The following ZNF559 variants were observed in gnomAD, a reference collection of about 807,000 sequenced individuals.
ZNF559 encodes the protein putative protein product of Nbla00121.
Under a neutral mutation model 14.2 loss-of-function variants are expected in ZNF559, and 17 were observed. That is an observed-to-expected ratio of 1.20 (90% confidence interval 0.82 to 1.80). The LOEUF (loss-of-function observed/expected upper bound fraction) is 1.80, where lower values mean the gene tolerates loss of function less well. Ranked by LOEUF, ZNF559 falls within the 40% of genes most tolerant of loss-of-function variation. The pLI is 0.00. For missense variants in ZNF559, 740 were observed against 629.7 expected (o/e 1.18, Z -1.88); for synonymous variants, 244 against 212.4 (o/e 1.15, Z -1.29).
At chr19:9,335,881 G>T (rs374232672) in intron 2 of ZNF559, among the ~76,000 whole-genome samples, 1 of 152,202 alleles carries the variant, frequency 6.6e-6, no homozygotes, top group African/African-American at 2.4e-5. Context: ...AAAAACTTCA[G>T]ATAAACGTAA....
At chr19:9,333,473 C>T (rs1165279254) in intron 2 of ZNF559, among the ~76,000 whole-genome samples, 3 of 152,144 alleles carry the variant, frequency 2.0e-5, no homozygotes, top group Non-Finnish European at 4.4e-5. Flanking sequence ...GAGGCCAAGG[C>T]AGGAGAATCA....
intron 2 of ZNF559, among the ~76,000 whole-genome samples, chr19:9,326,105 ATTTTTT>A (rs71183701): frequency 4.1e-5 from 3 of 73,734 alleles, no homozygotes; most frequent in Non-Finnish European, 4.9e-5. Flanking sequence ...TATTCACCTG[ATTTTTT>A]TTTTTTTTTT....
intron 2 of ZNF559, among the ~76,000 whole-genome samples, chr19:9,325,556 G>A (rs1198314756): frequency 6.6e-6 from 1 of 152,138 alleles, no homozygotes; most frequent in Non-Finnish European, 1.5e-5. Context: ...ATGTTGGGAG[G>A]CTGAGGCTGG....
intron 5 of ZNF559, among the ~76,000 whole-genome samples, chr19:9,340,065 A>G (rs998564454): frequency 6.0e-5 from 9 of 149,804 alleles, no homozygotes; most frequent in African/African-American, 2.2e-4. Context: ...GGATTACGGC[A>G]TGAGCCACTG....
chr19:9,324,660 T>G (rs2066480022), intron 1 of ZNF559, 35 bp from the exon 2 acceptor site: 2 of 1,179,242 alleles, frequency 1.7e-6, no homozygotes, highest in South Asian at 1.4e-5. Context: ...AAAAAAAAAG[T>G]CTCCACATCC....
At chr19:9,328,348 C>CTTTTTTTTTT (rs904074002) in intron 2 of ZNF559, among the ~76,000 whole-genome samples, 65 of 60,968 alleles carry the variant, frequency 1.1e-3, no homozygotes, top group African/African-American at 1.6e-3. Context: ...GCTTGTTTGT[C>CTTTTTTTTTT]TTTTTTTTTT....
chr19:9,330,860 TTCA>T (rs1226380362), intron 2 of ZNF559, among the ~76,000 whole-genome samples: 4 of 152,230 alleles, frequency 2.6e-5, no homozygotes, highest in African/African-American at 9.6e-5. Flanking sequence ...TTCTTGATTC[TTCA>T]TGCTATTTGT....
rs2067121017 is a variant in ZNF559 at position 9,334,542 on chromosome 19, T to G, written c.-119-3254T>G. Among the ~76,000 whole-genome samples the G allele has an allele frequency of 1.3e-5, 2 of 152,186 alleles. 1 individual carries two copies. The highest frequency in any genetic ancestry group is 1.3e-4 in the Admixed American group (2 of 15,272). ...TATAAAGTTTAAAAACAGACAAAAT[T>G]AACCTATACCGTTAGAAGTGAGAAT... On this transcript the variant is annotated intron_variant, in intron 2 of 6. Transcript: ENST00000603380.
chr19:9,329,139 A>G (rs1568358485), intron 2 of ZNF559, among the ~76,000 whole-genome samples: 1 of 152,170 alleles, frequency 6.6e-6, no homozygotes, highest in Non-Finnish European at 1.5e-5. Context: ...TACCCAATAC[A>G]GCTGTTTAAA....
At chr19:9,324,813 G>A (rs1462988237) in intron 2 of ZNF559, 33 bp downstream of exon 2, 1 of 1,521,406 alleles carries the variant, frequency 6.6e-7, no homozygotes, top group Non-Finnish European at 8.8e-7. Context: ...CTGGCTGTGG[G>A]TGTCGGGTCT....
chr19:9,330,621 A>G (rs2066888122), intron 2 of ZNF559, among the ~76,000 whole-genome samples: 1 of 152,032 alleles, frequency 6.6e-6, no homozygotes, highest in Non-Finnish European at 1.5e-5. Flanking sequence ...CAATTATTGT[A>G]CTCTTCAACT....
chr19:9,345,651 A>T lies in ZNF559; in HGVS notation c.*2583A>T, dbSNP rs1036179009. The T allele has an allele frequency of 3.9e-5, 4 of 103,622 alleles. No individual in the cohort carries two copies. Among genetic ancestry groups the T allele is most frequent in the African/African-American group, 7.0e-5 (2 of 28,478 alleles). The allele number at this position is 103,622 out of a possible 1,614,324, so 6.4% of individuals were successfully genotyped here. Reference sequence around the variant, plus strand: ...TTTATATTGGCTTTATTTTTTATTTATTTTTATTTTTTTTTATATAGAGAC... The same window carrying T: ...TTTATATTGGCTTTATTTTTTATTTTTTTTTATTTTTTTTTATATAGAGAC... On this transcript the variant is annotated 3_prime_UTR_variant, in exon 7 of 7. Coordinates refer to ENST00000603380, the MANE Select transcript of ZNF559 (RefSeq NM_032497.3).
chr19:9,337,473 C>G (rs565067573), intron 2 of ZNF559, among the ~76,000 whole-genome samples: 43 of 152,192 alleles, frequency 2.8e-4, no homozygotes, highest in Non-Finnish European at 5.9e-4. Flanking sequence ...TTGAGTTAAC[C>G]TTTCCGTACA....
At chr19:9,324,912 G>A (rs2066492985) in intron 2 of ZNF559, 132 bp downstream of exon 2, 1 of 724,956 alleles carries the variant, frequency 1.4e-6, no homozygotes, top group East Asian at 2.7e-5. Context: ...ATGCATGAGT[G>A]GATGAATGCA....
chr19:9,343,379 T>A lies in ZNF559; in HGVS notation c.*311T>A. Reference sequence around the variant, plus strand: ...TTGAACTCATGCTGGAGAGAAATGCTATGAATGTGAGGAAGGTGGAAAAGC... The same window carrying A: ...TTGAACTCATGCTGGAGAGAAATGCAATGAATGTGAGGAAGGTGGAAAAGC... On this transcript the variant is annotated 3_prime_UTR_variant, in exon 7 of 7. Coordinates refer to ENST00000603380, the MANE Select transcript of ZNF559 (RefSeq NM_032497.3). 1 of 1,127,084 alleles carries A rather than the reference T, an allele frequency of 8.9e-7. No individual in the cohort carries two copies. Among genetic ancestry groups the A allele is most frequent in the South Asian group, 2.7e-5 (1 of 36,644 alleles). 69.8% of individuals were successfully genotyped at this position (1,127,084 alleles called of 1,614,324 possible). A position where few individuals can be genotyped will look rare whatever the true frequency, so the allele number is the denominator to read the frequency against.
intron 2 of ZNF559, 90 bp downstream of exon 2, chr19:9,324,870 T>G (rs1214055230): frequency 7.3e-6 from 8 of 1,101,836 alleles, no homozygotes; most frequent in Admixed American, 4.1e-5. Context: ...TTCAGGTGGT[T>G]GTTCGAGAGC....
intron 5 of ZNF559, among the ~76,000 whole-genome samples, chr19:9,340,609 C>G (rs150048290): frequency 6.8e-6 from 1 of 146,772 alleles, no homozygotes; most frequent in African/African-American, 2.6e-5. Flanking sequence ...GCTCTATCGC[C>G]AGGCTGAAAT....
chr19:9,340,401 T>C (rs1173070629), intron 5 of ZNF559, among the ~76,000 whole-genome samples: 2 of 152,108 alleles, frequency 1.3e-5, no homozygotes, highest in African/African-American at 4.8e-5. Flanking sequence ...AAACTTTCTT[T>C]TGCTCTGACA....
chr19:9,324,781 G>C lies in ZNF559; in HGVS notation c.-120+1G>C. ...AACCTGACAATTCTGTCGTGTCCCG[G>C]TGAGCACTTCATGCACTTGTTCTGG... On this transcript the variant is annotated splice_donor_variant, in intron 2 of 6. Transcript: ENST00000603380. LOFTEE classifies it low-confidence loss of function (5UTR_SPLICE). The C allele has an allele frequency of 2.6e-6, 4 of 1,535,986 alleles. No homozygotes were observed. Among genetic ancestry groups the C allele is most frequent in the Non-Finnish European group, 3.5e-6 (4 of 1,146,810 alleles).
Sources: allele counts gnomAD v4.1 joint callset (sites outside exome capture counted in the v4.1 genomes callset), GRCh38; gene constraint gnomAD v4.1.1; transcripts MANE v1.5; gene names NCBI Gene and HGNC (gene_info 2026-07-23, HGNC 2026-07-21).